RPS6KC1: variants seen among roughly 807,000 people sequenced by gnomAD.
RPS6KC1 encodes ribosomal protein S6 kinase C1.
In RPS6KC1, 54 loss-of-function variants were observed where a neutral mutation model predicts 103.8. The observed-to-expected ratio is 0.52, with a 90% confidence interval of 0.42 to 0.65. RPS6KC1 has a LOEUF of 0.65. Ranked by LOEUF, RPS6KC1 falls within the 30% of genes least tolerant of loss-of-function variation. The pLI is 0.00. For missense variants in RPS6KC1, 1,151 were observed against 1,253.8 expected (o/e 0.92, Z 1.24); for synonymous variants, 439 against 438.7 (o/e 1.00, Z -0.01).
chr1:213,813,580 G>A, the RPS6KC1 span, among the ~76,000 whole-genome samples: 1 of 152,204 alleles, frequency 6.6e-6, no homozygotes, highest in Non-Finnish European at 1.5e-5. Flanking sequence ...TTGAAACACT[G>A]CAAATTTCCG....
chr1:213,621,455 T>G, the RPS6KC1 span, among the ~76,000 whole-genome samples: 1 of 151,886 alleles, frequency 6.6e-6, no homozygotes, highest in African/African-American at 2.4e-5. Flanking sequence ...CATGTGCTAA[T>G]AATAGGATGG....
the RPS6KC1 span, among the ~76,000 whole-genome samples, chr1:213,723,549 C>T: frequency 1.4e-4 from 21 of 152,286 alleles, no homozygotes; most frequent in Admixed American, 3.3e-4. Context: ...TGGACCCACC[C>T]ATGTGACCTC....
the RPS6KC1 span, among the ~76,000 whole-genome samples, chr1:213,624,409 A>G: frequency 6.6e-6 from 1 of 152,252 alleles, no homozygotes; most frequent in Non-Finnish European, 1.5e-5. Flanking sequence ...AGAGGAGACT[A>G]TGAAAGCGAT....
chr1:213,731,946 A>AAAATAGT, the RPS6KC1 span, among the ~76,000 whole-genome samples: 12,235 of 152,220 alleles, frequency 0.08, 605 homozygotes, highest in Middle Eastern at 0.18. Flanking sequence ...AACAAGTTAC[A>AAAATAGT]AAATAGTATC....
chr1:213,796,320 G>T, the RPS6KC1 span, among the ~76,000 whole-genome samples: 83 of 152,272 alleles, frequency 5.5e-4, no homozygotes, highest in Middle Eastern at 6.8e-3. Flanking sequence ...ACAATAGATT[G>T]TGTTATTCTG....
the RPS6KC1 span, among the ~76,000 whole-genome samples, chr1:213,763,176 T>A: frequency 6.6e-6 from 1 of 152,130 alleles, no homozygotes; most frequent in Non-Finnish European, 1.5e-5. Context: ...TAATTTTTGC[T>A]TTTGTTTTCC....
chr1:213,731,353 CA>C, the RPS6KC1 span: 1 of 152,148 alleles, frequency 6.6e-6, no homozygotes, highest in Non-Finnish European at 1.5e-5. Context: ...GTCACTTTAA[CA>C]ATATTCATTT....
At chr1:213,451,012 G>A in the RPS6KC1 span, among the ~76,000 whole-genome samples, 1 of 152,070 alleles carries the variant, frequency 6.6e-6, no homozygotes, top group African/African-American at 2.4e-5. Flanking sequence ...TTAACTGGCT[G>A]TTGATCACAA....
the RPS6KC1 span, among the ~76,000 whole-genome samples, chr1:213,512,664 A>G: frequency 6.6e-6 from 1 of 152,180 alleles, no homozygotes; most frequent in Non-Finnish European, 1.5e-5. Context: ...CTTATACAGC[A>G]TTTCCTTGTT....
the RPS6KC1 span, among the ~76,000 whole-genome samples, chr1:213,592,676 T>C: frequency 5.3e-5 from 8 of 152,224 alleles, no homozygotes; most frequent in African/African-American, 1.9e-4. Flanking sequence ...ATGTTTTGGG[T>C]TTACCAACCA....
chr1:213,221,372 T>C (rs1174018619), intron 8 of RPS6KC1, among the ~76,000 whole-genome samples: 1 of 152,204 alleles, frequency 6.6e-6, no homozygotes, highest in Non-Finnish European at 1.5e-5. Flanking sequence ...TGCCTGCCTC[T>C]GGGTTCGTCA....
chr1:213,853,528 G>C, the RPS6KC1 span, among the ~76,000 whole-genome samples: 2 of 152,182 alleles, frequency 1.3e-5, no homozygotes, highest in African/African-American at 4.8e-5. Flanking sequence ...CATACTCCAT[G>C]CTGTGAGAAG....
the RPS6KC1 span, among the ~76,000 whole-genome samples, chr1:213,693,998 G>GAAACA: frequency 6.6e-6 from 1 of 152,150 alleles, no homozygotes; most frequent in Non-Finnish European, 1.5e-5. Context: ...GAGGCAATTT[G>GAAACA]AAACAATAGC....
chr1:213,360,654 T>A, the RPS6KC1 span, among the ~76,000 whole-genome samples: 5 of 152,164 alleles, frequency 3.3e-5, no homozygotes, highest in Non-Finnish European at 7.4e-5. Flanking sequence ...AATTTTCAGT[T>A]TTTTCTGTTC....
At chr1:213,347,977 A>G in the RPS6KC1 span, among the ~76,000 whole-genome samples, 1 of 152,086 alleles carries the variant, frequency 6.6e-6, no homozygotes, top group Non-Finnish European at 1.5e-5. Flanking sequence ...TGAGAATGTG[A>G]TTGGCATATT....
the RPS6KC1 span, among the ~76,000 whole-genome samples, chr1:213,498,324 C>T: frequency 6.6e-6 from 1 of 152,178 alleles, no homozygotes. Context: ...TCCAGTTATA[C>T]AGTAGTTTTT....
At chr1:213,300,333 G>T in the RPS6KC1 span, among the ~76,000 whole-genome samples, 1 of 152,198 alleles carries the variant, frequency 6.6e-6, no homozygotes, top group East Asian at 1.9e-4. Context: ...ATTGGGTGGT[G>T]TGACTCTGTT....
intron 14 of RPS6KC1, among the ~76,000 whole-genome samples, chr1:213,264,270 A>G (rs1472465630): frequency 6.6e-6 from 1 of 152,182 alleles, no homozygotes; most frequent in Non-Finnish European, 1.5e-5. Flanking sequence ...AAATGTTGAG[A>G]TGAGAATACC....
intron 12 of RPS6KC1, among the ~76,000 whole-genome samples, chr1:213,250,122 C>A (rs1455219914): frequency 6.6e-6 from 1 of 152,174 alleles, no homozygotes; most frequent in Non-Finnish European, 1.5e-5. Context: ...TAAAAACCAA[C>A]TGAATAAATG....
Sources: allele counts gnomAD v4.1 joint callset (sites outside exome capture counted in the v4.1 genomes callset), GRCh38; gene constraint gnomAD v4.1.1; transcripts MANE v1.5; gene names NCBI Gene and HGNC (gene_info 2026-07-23, HGNC 2026-07-21).